The following MAPKAPK2 variants were observed in gnomAD, a reference collection of about 807,000 sequenced individuals.
MAPKAPK2 encodes the protein MAPK activated protein kinase 2, also known as MAP kinase-activated protein kinase 2.
MAPKAPK2 carries 9 observed loss-of-function variants against 48.8 expected under a neutral mutation model. The observed-to-expected ratio is 0.18, with a 90% CI of 0.11 to 0.32. The LOEUF (loss-of-function observed/expected upper bound fraction) is 0.32. MAPKAPK2 is among the 10% of genes least tolerant of loss of function. The probability of loss-of-function intolerance (pLI) is 1.00; values close to 1 mark genes in which losing one functional copy is unlikely to be tolerated. For missense variants in MAPKAPK2, 331 were observed against 498.3 expected, an observed-to-expected ratio of 0.66 and a Z score of 3.20; for synonymous variants, 202 against 190.6, an observed-to-expected ratio of 1.06 and a Z score of -0.49.
chr1:206,710,368 G>A (rs1162534552), intron 1 of MAPKAPK2, among the ~76,000 whole-genome samples: 3 of 152,256 alleles, frequency 2.0e-5, no homozygotes, highest in Non-Finnish European at 4.4e-5. Flanking sequence ...ACAGGAAAGT[G>A]TGTAGTTGTG....
chr1:206,729,326 CTGGGTTTTCAAGCCTAA>C, intron 3 of MAPKAPK2, 53 bp from the exon 4 acceptor site: 1 of 1,362,732 alleles, frequency 7.3e-7, no homozygotes, highest in South Asian at 1.2e-5. Flanking sequence ...ACCCGGTGCA[CTGGGTTTTCAAGCCTAA>C]TGATGTGTCT....
chr1:206,722,821 C>T (rs1553431395), intron 1 of MAPKAPK2, among the ~76,000 whole-genome samples: 1 of 152,228 alleles, frequency 6.6e-6, no homozygotes, highest in Admixed American at 6.5e-5. Context: ...AGTCCTCTTT[C>T]CTTTACACCC....
chr1:206,725,659 A>C (rs746175525), intron 1 of MAPKAPK2, among the ~76,000 whole-genome samples: 64 of 152,274 alleles, frequency 4.2e-4, no homozygotes, highest in Non-Finnish European at 7.8e-4. Flanking sequence ...AGACTGGGCC[A>C]AGTCTTCCCT....
chr1:206,702,679 A>T (rs1453916431), intron 1 of MAPKAPK2, among the ~76,000 whole-genome samples: 1 of 152,248 alleles, frequency 6.6e-6, no homozygotes, highest in Non-Finnish European at 1.5e-5. Flanking sequence ...AGAGACCTTC[A>T]GTAGCCTCCC....
At chr1:206,695,995 C>T (rs891187196) in intron 1 of MAPKAPK2, 12 of 759,984 alleles carry the variant, frequency 1.6e-5, no homozygotes, top group African/African-American at 6.8e-5. Flanking sequence ...GCTCGGAGTT[C>T]GATGTGTAGG....
At chr1:206,728,321 GCC>G (rs1291421579) in intron 1 of MAPKAPK2, among the ~76,000 whole-genome samples, 2 of 152,002 alleles carry the variant, frequency 1.3e-5, no homozygotes, top group African/African-American at 4.8e-5. Flanking sequence ...CTTCTCTCTA[GCC>G]CCCTTTCCAA....
At chr1:206,710,110 T>G (rs1673090914) in intron 1 of MAPKAPK2, among the ~76,000 whole-genome samples, 1 of 152,244 alleles carries the variant, frequency 6.6e-6, no homozygotes, top group Admixed American at 6.5e-5. Flanking sequence ...GGTTCTAATC[T>G]GTGTGAATTT....
At chr1:206,685,802 C>T (rs1672271241) in intron 1 of MAPKAPK2, among the ~76,000 whole-genome samples, 1 of 151,988 alleles carries the variant, frequency 6.6e-6, no homozygotes, top group South Asian at 2.1e-4. Context: ...CGAGTCAGAA[C>T]GGTTGGCTTC....
chr1:206,715,543 A>AATGC, intron 1 of MAPKAPK2, among the ~76,000 whole-genome samples: 1 of 151,794 alleles, frequency 6.6e-6, no homozygotes, highest in East Asian at 1.9e-4. Flanking sequence ...TGTCTTTCAA[A>AATGC]ATGCATTCCC....
intron 1 of MAPKAPK2, among the ~76,000 whole-genome samples, chr1:206,708,249 C>A (rs1039167417): frequency 6.6e-6 from 1 of 152,226 alleles, no homozygotes; most frequent in African/African-American, 2.4e-5. Flanking sequence ...CCTCTTCTTC[C>A]CCTTGCGCTT....
intron 1 of MAPKAPK2, among the ~76,000 whole-genome samples, chr1:206,714,418 C>T (rs1673255878): frequency 6.6e-6 from 1 of 151,966 alleles, no homozygotes; most frequent in Non-Finnish European, 1.5e-5. Context: ...AGAGCTTTTC[C>T]AGAGGCAGAT....
intron 1 of MAPKAPK2, among the ~76,000 whole-genome samples, chr1:206,726,164 C>T (rs1673695496): frequency 6.6e-6 from 1 of 152,094 alleles, no homozygotes; most frequent in Non-Finnish European, 1.5e-5. Flanking sequence ...GGTGGGGTAT[C>T]ACTTGAGACC....
Position 206,704,511 on chromosome 1 carries a change from G to A in MAPKAPK2, c.279+19003G>A, listed in dbSNP as rs782381136. 9.2e-5 allele frequency among the ~76,000 whole-genome samples: 14 copies of A among 152,142 alleles called. No homozygotes were observed. Among genetic ancestry groups the A allele is most frequent in the African/African-American group, 1.2e-4 (5 of 41,410 alleles). On this transcript the variant is annotated intron_variant, in intron 1 of 9. Transcript: ENST00000367103. This position sits in a 1 kb window ranked among gnomAD's most constrained non-coding sequence, Gnocchi z 4.3. ...CAGTCACCCAACTTCCTTTATAGCC[G>A]GATACAAAACAGTGCCTGAGGTCCA... is the stretch of plus-strand genomic sequence containing the variant.
chr1:206,731,490 C>A lies in MAPKAPK2; in HGVS notation c.893-150C>A. ...GCTGTGCAGGGCCTCTCAAGTGGTA[C>A]AGCCGTAATGGTCCTTGGGGCCAGT... On this transcript the variant is annotated intron_variant, in intron 7 of 9. Coordinates refer to ENST00000367103, the MANE Select transcript of MAPKAPK2 (RefSeq NM_032960.4). This position sits in a 1 kb window ranked among gnomAD's most constrained non-coding sequence, Gnocchi z 5.9. 1 of 1,069,514 alleles carries A rather than the reference C, an allele frequency of 9.4e-7. No individual in the cohort carries two copies. The highest frequency in any genetic ancestry group is 1.4e-6 in the Non-Finnish European group (1 of 716,456). The allele number at this position is 1,069,514 out of a possible 1,614,324, so 66.3% of individuals were successfully genotyped here.
intron 1 of MAPKAPK2, among the ~76,000 whole-genome samples, chr1:206,710,592 A>G (rs782291218): frequency 3.3e-5 from 5 of 152,214 alleles, no homozygotes; most frequent in African/African-American, 4.8e-5. Context: ...AGCCTGGGAA[A>G]CTCAGTGAAG....
intron 1 of MAPKAPK2, among the ~76,000 whole-genome samples, chr1:206,699,958 T>TTCTC (rs59368306): frequency 0.16 from 24,030 of 150,252 alleles, 2,136 homozygotes; most frequent in Non-Finnish European, 0.21. Flanking sequence ...TTTCGTTTCT[T>TTCTC]TCTCTCTCTC....
At chr1:206,686,375 TGTG>T (rs1244693798) in intron 1 of MAPKAPK2, among the ~76,000 whole-genome samples, 1 of 151,798 alleles carries the variant, frequency 6.6e-6, no homozygotes, top group African/African-American at 2.4e-5. Flanking sequence ...CTTTAAGGGG[TGTG>T]GTGGTGGGGA....
intron 1 of MAPKAPK2, among the ~76,000 whole-genome samples, chr1:206,688,054 C>T (rs1672339503): frequency 6.6e-6 from 1 of 152,204 alleles, no homozygotes; most frequent in South Asian, 2.1e-4. Context: ...TCCCAGCTCA[C>T]CCTGCTGCTT....
chr1:206,685,188 G>A lies in MAPKAPK2; in HGVS notation c.-42G>A, dbSNP rs782610202. The A allele has an allele frequency of 6.8e-6, 2 of 293,258 alleles. No individual in the cohort carries two copies. Among genetic ancestry groups the A allele is most frequent in the South Asian group, 1.0e-4 (1 of 9,624 alleles). 18.2% of individuals were successfully genotyped at this position (293,258 alleles called of 1,614,324 possible). On this transcript the variant is annotated 5_prime_UTR_variant, in exon 1 of 10. Transcript: ENST00000367103. Reference sequence around the variant, plus strand: ...GGGCCCGGAGCCGGAGGAGGGGGCGGCCGCGGGCACCCCCGCCTGTGCCCC... The same window carrying A: ...GGGCCCGGAGCCGGAGGAGGGGGCGACCGCGGGCACCCCCGCCTGTGCCCC...
Sources: gnomAD v4.1 joint callset for allele counts (sites outside exome capture counted in the v4.1 genomes callset) on GRCh38, gnomAD v4.1.1 for gene constraint, Gnocchi (gnomAD v3.1) non-coding constraint, MANE v1.5 for transcripts, NCBI Gene and HGNC (gene_info 2026-07-23, HGNC 2026-07-21) for gene names.